GRIP1: variants seen among roughly 807,000 people sequenced by gnomAD.
GRIP1 encodes the protein glutamate receptor-interacting protein 1.
Under a neutral mutation model 129.9 loss-of-function variants are expected in GRIP1, and 45 were observed. The observed-to-expected ratio is 0.35, with a 90% confidence interval of 0.27 to 0.44. GRIP1 has a LOEUF of 0.44. Among genes scored for constraint, GRIP1 ranks in the 20% least tolerant of loss-of-function variants. GRIP1 has a pLI of 1.00. For missense variants in GRIP1, 1,196 were observed against 1,396.8 expected, an observed-to-expected ratio of 0.86 and a Z score of 2.29; for synonymous variants, 530 against 520.8, an observed-to-expected ratio of 1.02 and a Z score of -0.24.
chr12:66,478,553 A>G (rs1022211759), intron 7 of GRIP1, among the ~76,000 whole-genome samples: 6 of 152,240 alleles, frequency 3.9e-5, no homozygotes, highest in African/African-American at 1.4e-4. Context: ...ATTATAAATC[A>G]TGCTGCTGTA....
At chr12:66,613,254 A>T (rs1252659872) in intron 1 of GRIP1, among the ~76,000 whole-genome samples, 1 of 152,182 alleles carries the variant, frequency 6.6e-6, no homozygotes, top group Non-Finnish European at 1.5e-5. Flanking sequence ...CCTAGAACTA[A>T]TGCTCCTTAT....
chr12:66,953,130 A>T (rs2041785683), intron 1 of GRIP1, among the ~76,000 whole-genome samples: 1 of 152,246 alleles, frequency 6.6e-6, no homozygotes, highest in African/African-American at 2.4e-5. Flanking sequence ...ATGCCTTTTC[A>T]TTTAAAACAA....
intron 1 of GRIP1, among the ~76,000 whole-genome samples, chr12:66,985,067 G>A (rs1045625932): frequency 6.6e-6 from 1 of 152,118 alleles, no homozygotes; most frequent in Non-Finnish European, 1.5e-5. Context: ...CTTGGTTTGG[G>A]ACATCAGCCA....
chr12:66,720,064 A>C (rs2036013494), intron 1 of GRIP1, among the ~76,000 whole-genome samples: 1 of 152,196 alleles, frequency 6.6e-6, no homozygotes, highest in Non-Finnish European at 1.5e-5. Flanking sequence ...ATAAATGCTG[A>C]CTTATCTAAT....
intron 7 of GRIP1, among the ~76,000 whole-genome samples, chr12:66,498,683 T>C (rs1041568487): frequency 1.3e-5 from 2 of 151,480 alleles, no homozygotes; most frequent in Non-Finnish European, 2.9e-5. Flanking sequence ...TTGACACTTA[T>C]AAACTGTCAT....
intron 1 of GRIP1, among the ~76,000 whole-genome samples, chr12:66,877,483 T>C (rs1405898157): frequency 1.3e-5 from 2 of 152,062 alleles, no homozygotes; most frequent in Admixed American, 6.6e-5. Flanking sequence ...TAACATCTCA[T>C]ACAATTTTAA....
intron 14 of GRIP1, among the ~76,000 whole-genome samples, chr12:66,430,158 C>G (rs1401128173): frequency 2.0e-5 from 3 of 152,178 alleles, no homozygotes; most frequent in African/African-American, 7.2e-5. Context: ...TGTGCTAGGC[C>G]TCAGGATTTT....
At chr12:66,967,184 T>C (rs192440395) in intron 1 of GRIP1, among the ~76,000 whole-genome samples, 106 of 152,310 alleles carry the variant, frequency 7.0e-4, no homozygotes, top group African/African-American at 2.4e-3. Context: ...TATTTTGCTT[T>C]TAATTGACAA....
At chr12:66,767,382 G>C (rs2037674415) in intron 1 of GRIP1, among the ~76,000 whole-genome samples, 1 of 152,032 alleles carries the variant, frequency 6.6e-6, no homozygotes, top group Non-Finnish European at 1.5e-5. Flanking sequence ...AAAAAACAAA[G>C]CCACAAAGAA....
chr12:66,941,359 T>C (rs1205931942), intron 1 of GRIP1, among the ~76,000 whole-genome samples: 1 of 152,204 alleles, frequency 6.6e-6, no homozygotes, highest in Non-Finnish European at 1.5e-5. Flanking sequence ...TGGAATCTTA[T>C]CAATAGCATG....
intron 1 of GRIP1, among the ~76,000 whole-genome samples, chr12:66,988,180 T>C (rs913567535): frequency 9.9e-5 from 15 of 152,212 alleles, no homozygotes; most frequent in Non-Finnish European, 1.8e-4. Context: ...TGTGAAATAA[T>C]AGTGCTAGTT....
At chr12:66,696,626 A>C (rs867566624) in intron 1 of GRIP1, among the ~76,000 whole-genome samples, 2 of 151,750 alleles carry the variant, frequency 1.3e-5, no homozygotes, top group Non-Finnish European at 2.9e-5. Context: ...ACTAAAAAAA[A>C]CAAAAAACAA....
chr12:66,456,623 A>T (rs2058973229), intron 9 of GRIP1, among the ~76,000 whole-genome samples: 1 of 151,744 alleles, frequency 6.6e-6, no homozygotes, highest in East Asian at 1.9e-4. Context: ...TCAATTTCTA[A>T]TCTCCCTCAG....
chr12:66,549,898 A>C (rs2139298940), intron 2 of GRIP1, among the ~76,000 whole-genome samples: 1 of 152,278 alleles, frequency 6.6e-6, no homozygotes. Flanking sequence ...CCTCCAAAGA[A>C]AGGGGATATA....
At chr12:66,505,714 C>T (rs572047052) in intron 7 of GRIP1, among the ~76,000 whole-genome samples, 4 of 152,064 alleles carry the variant, frequency 2.6e-5, no homozygotes, top group African/African-American at 9.6e-5. Flanking sequence ...AAAAGTAACC[C>T]AAAAGTTTGT....
rs776296528 is a variant in GRIP1 at position 66,517,997 on chromosome 12, A to T, written c.503-21T>A. ...TCCCCCTAGCAAAGAAAAGGAACAG[A>T]GCTTAAAACTGCTTTCATTGTTGGC... On this transcript the variant is annotated intron_variant, in intron 5 of 24. Transcript: ENST00000359742. 1.1e-5 allele frequency: 14 copies of T among 1,294,574 alleles called. No individual in the cohort carries two copies. The South Asian group carries it at 1.2e-4, about 11-fold the overall frequency. 80.2% of individuals were successfully genotyped at this position (1,294,574 alleles called of 1,614,324 possible). A position where few individuals can be genotyped will look rare whatever the true frequency, so the allele number is the denominator to read the frequency against.
chr12:66,586,285 A>T (rs1226021911), intron 2 of GRIP1, among the ~76,000 whole-genome samples: 1 of 152,058 alleles, frequency 6.6e-6, no homozygotes, highest in African/African-American at 2.4e-5. Flanking sequence ...TCTCATCATC[A>T]ATATTTGACC....
chr12:66,430,151 G>T (rs78801383), intron 14 of GRIP1, among the ~76,000 whole-genome samples: 1,622 of 152,342 alleles, frequency 0.011, 30 homozygotes, highest in African/African-American at 0.037. Flanking sequence ...CAGGAACTGT[G>T]CTAGGCCTCA....
At chr12:66,521,936 C>T (rs796450570) in intron 5 of GRIP1, among the ~76,000 whole-genome samples, 29 of 152,266 alleles carry the variant, frequency 1.9e-4, no homozygotes, top group African/African-American at 6.3e-4. Context: ...AACTGCAAGG[C>T]GGCAGTGAGG....
Sources: allele counts gnomAD v4.1 joint callset (sites outside exome capture counted in the v4.1 genomes callset), GRCh38; gene constraint gnomAD v4.1.1; transcripts MANE v1.5; gene names NCBI Gene and HGNC (gene_info 2026-07-23, HGNC 2026-07-21).